The following SBF2 variants were observed in gnomAD, a reference collection of about 807,000 sequenced individuals.
SBF2 encodes myotubularin-related protein 13.
Under a neutral mutation model 225.2 loss-of-function variants are expected in SBF2, and 112 were observed. That is an observed-to-expected ratio of 0.50 (90% CI 0.43 to 0.58). SBF2 has a LOEUF of 0.58. SBF2 is among the 20% of genes least tolerant of loss of function. SBF2 has a pLI of 0.00. For missense variants in SBF2, 1,996 were observed against 2,206.2 expected (o/e 0.90, Z 1.91); for synonymous variants, 763 against 773.3 (o/e 0.99, Z 0.22).
chr11:10,112,893 C>A (rs1250259435), intron 2 of SBF2, among the ~76,000 whole-genome samples: 1 of 152,174 alleles, frequency 6.6e-6, no homozygotes, highest in Non-Finnish European at 1.5e-5. Context: ...TCATGAAGAA[C>A]AGAAAACAAT....
chr11:9,904,927 T>C (rs903823548), intron 16 of SBF2, among the ~76,000 whole-genome samples: 1 of 152,140 alleles, frequency 6.6e-6, no homozygotes, highest in Non-Finnish European at 1.5e-5. Context: ...GAAGCAGAGA[T>C]GGGAGAATCA....
intron 33 of SBF2, among the ~76,000 whole-genome samples, chr11:9,794,701 A>AAAAAAAAAAAAAAAAC (rs1564859833): frequency 6.8e-6 from 1 of 147,310 alleles, no homozygotes; most frequent in African/African-American, 2.5e-5. Context: ...AAAAAAAAAA[A>AAAAAAAAAAAAAAAAC]AAAAAAGACC....
At chr11:10,206,684 T>C (rs1417046460) in intron 1 of SBF2, among the ~76,000 whole-genome samples, 1 of 151,956 alleles carries the variant, frequency 6.6e-6, no homozygotes, top group Non-Finnish European at 1.5e-5. Flanking sequence ...AACTAAAAAA[T>C]AAAATATCCA....
chr11:9,860,867 A>T (rs1176901485), intron 17 of SBF2, among the ~76,000 whole-genome samples: 1 of 152,214 alleles, frequency 6.6e-6, no homozygotes, highest in African/African-American at 2.4e-5. Context: ...GATAATCAGC[A>T]TGCCAAAAAA....
At chr11:10,110,677 T>A (rs1216573487) in intron 2 of SBF2, among the ~76,000 whole-genome samples, 1 of 152,130 alleles carries the variant, frequency 6.6e-6, no homozygotes, top group African/African-American at 2.4e-5. Flanking sequence ...CCAACCTCCA[T>A]CATATTAAGA....
At chr11:10,125,412 T>A (rs1953703043) in intron 2 of SBF2, among the ~76,000 whole-genome samples, 1 of 152,162 alleles carries the variant, frequency 6.6e-6, no homozygotes, top group African/African-American at 2.4e-5. Context: ...TCTATATTTT[T>A]AATATTTGGA....
chr11:10,237,576 T>C (rs1033565725), intron 1 of SBF2, among the ~76,000 whole-genome samples: 6 of 152,244 alleles, frequency 3.9e-5, no homozygotes, highest in Non-Finnish European at 8.8e-5. Context: ...TTTGAAAATA[T>C]TGAGCAGGAT....
At chr11:9,921,850 C>T (rs1407766748) in intron 16 of SBF2, among the ~76,000 whole-genome samples, 2 of 152,140 alleles carry the variant, frequency 1.3e-5, no homozygotes, top group Non-Finnish European at 2.9e-5. Context: ...GATAAGCAGG[C>T]TTACCTATAG....
chr11:9,945,359 T>A (rs1310841935), intron 16 of SBF2, among the ~76,000 whole-genome samples: 2 of 152,196 alleles, frequency 1.3e-5, no homozygotes, highest in Non-Finnish European at 2.9e-5. Flanking sequence ...GGACTTCCTA[T>A]TCAATAAACG....
intron 16 of SBF2, among the ~76,000 whole-genome samples, chr11:9,903,125 T>C (rs1046545621): frequency 1.3e-5 from 2 of 151,934 alleles, no homozygotes; most frequent in South Asian, 2.1e-4. Flanking sequence ...ATCAAGACCA[T>C]CCTGGCTAAC....
intron 16 of SBF2, chr11:9,959,389 C>T (rs1041358558): frequency 2.4e-6 from 2 of 818,056 alleles, no homozygotes; most frequent in African/African-American, 3.3e-5. Flanking sequence ...CGTCTGTCCC[C>T]ATGAGATTAT....
At chr11:9,855,174 T>C (rs1417453015) in intron 19 of SBF2, among the ~76,000 whole-genome samples, 1 of 152,166 alleles carries the variant, frequency 6.6e-6, no homozygotes, top group Non-Finnish European at 1.5e-5. Context: ...GGCCAGACTA[T>C]GTTGTTCCCA....
At position 9,817,033 on chromosome 11, in the gene SBF2, A is replaced by G. The variant is rs1456413577; in HGVS notation, c.3794-9T>C. The G allele has an allele frequency of 6.2e-7, 1 of 1,613,954 alleles. No homozygotes were observed. Among genetic ancestry groups the G allele is most frequent in the South Asian group, 1.1e-5 (1 of 91,074 alleles). ...AAGACTTGCCCACACACCTTCACAA[A>G]AGCCAAAGTCGTGGAGTGAGATAAT... is the stretch of plus-strand genomic sequence containing the variant. On this transcript the variant is annotated splice_polypyrimidine_tract_variant and intron_variant, in intron 28 of 39. Coordinates refer to ENST00000256190, the MANE Select transcript of SBF2 (RefSeq NM_030962.4).
At chr11:9,802,865 A>G (rs1480289757) in intron 32 of SBF2, among the ~76,000 whole-genome samples, 1 of 152,230 alleles carries the variant, frequency 6.6e-6, no homozygotes, top group Non-Finnish European at 1.5e-5. Flanking sequence ...AATAATTTGC[A>G]TCACCAAAGC....
intron 16 of SBF2, among the ~76,000 whole-genome samples, chr11:9,900,553 G>A (rs1425432138): frequency 6.6e-6 from 1 of 152,144 alleles, no homozygotes; most frequent in Non-Finnish European, 1.5e-5. Context: ...CAGGGGCCAC[G>A]TGCGTCAGGG....
rs148129154 is a variant in SBF2, at chr11:10,300,516, T to A, written n.386+3976A>T. ...CCACATCTCTATAAAAAGAAAAAAA[T>A]ATATATAAATATATATACATATATA... On this transcript the variant is annotated intron_variant and non_coding_transcript_variant, in intron 1 of 5. Coordinates refer to the SBF2 transcript ENST00000685217. 7.8e-3 allele frequency among the ~76,000 whole-genome samples: 1,183 copies of A among 150,880 alleles called. 14 individuals carry two copies. The highest frequency in any genetic ancestry group is 0.017 in the African/African-American group (697 of 41,276).
At chr11:9,908,449 C>A (rs976389528) in intron 16 of SBF2, among the ~76,000 whole-genome samples, 1 of 152,026 alleles carries the variant, frequency 6.6e-6, no homozygotes, top group Non-Finnish European at 1.5e-5. Context: ...CACGGTGAAA[C>A]CCCGTCTCTA....
chr11:9,785,346 A>C, intron 36 of SBF2, 28 bp from the exon 37 acceptor site: 1 of 1,589,960 alleles, frequency 6.3e-7, no homozygotes, highest in Non-Finnish European at 8.6e-7. Flanking sequence ...GGAGCTAGGA[A>C]ACCTTTACAG....
rs2133904147 is a variant in SBF2 at position 9,812,460 on chromosome 11, A to G, written c.4155+72T>C. 30 of 1,525,286 alleles carry G rather than the reference A, an allele frequency of 2.0e-5. No individual in the cohort carries two copies. The South Asian group carries it at 3.0e-4, about 15-fold the overall frequency. 94.5% of individuals were successfully genotyped at this position (1,525,286 alleles called of 1,614,324 possible). A position where few individuals can be genotyped will look rare whatever the true frequency, so the allele number is the denominator to read the frequency against. ...GGGAACAAAGTATTTTTTTTCTCAA[A>G]TACAGTTCTGTATATCTACTTGGGC... On this transcript the variant is annotated intron_variant, in intron 30 of 39. Coordinates refer to ENST00000256190, the MANE Select transcript of SBF2 (RefSeq NM_030962.4).
Sources: allele counts gnomAD v4.1 joint callset (sites outside exome capture counted in the v4.1 genomes callset), GRCh38; gene constraint gnomAD v4.1.1; transcripts MANE v1.5; gene names NCBI Gene and HGNC (gene_info 2026-07-23, HGNC 2026-07-21).